BCL9: variants seen among roughly 807,000 people sequenced by gnomAD.
The protein encoded by BCL9 is B-cell CLL/lymphoma 9 protein.
In BCL9, 25 loss-of-function variants were observed where a neutral mutation model predicts 88.5. That is an observed-to-expected ratio of 0.28 (90% CI 0.21 to 0.39). BCL9 has a LOEUF of 0.39. Among genes scored for constraint, BCL9 ranks in the 10% least tolerant of loss-of-function variants. The pLI is 1.00. For missense variants in BCL9, 1,817 were observed against 1,877.8 expected, an observed-to-expected ratio of 0.97 and a Z score of 0.60; for synonymous variants, 711 against 673.3, an observed-to-expected ratio of 1.06 and a Z score of -0.87.
Position 147,603,678 on chromosome 1 carries a change from A to ATT in BCL9, c.-477-1089_-477-1088dup, listed in dbSNP as rs1249136306. The stretch of plus-strand genomic sequence containing the variant: ...TACCATGCCCAGCTAATTTTTGTAA[A>ATT]TTTTTTTTTTTAGTGGAGATGGGGT... On this transcript the variant is annotated intron_variant, in intron 1 of 9. Transcript: ENST00000234739. Among the ~76,000 whole-genome samples, 459 of 148,620 alleles carry ATT rather than the reference A, an allele frequency of 3.1e-3. 2 individuals carry two copies. The highest frequency in any genetic ancestry group is 8.5e-3 in the African/African-American group (347 of 40,658).
intron 8 of BCL9, 62 bp from the exon 9 acceptor site, chr1:147,622,209 C>T: frequency 1.2e-6 from 2 of 1,600,034 alleles, no homozygotes; most frequent in Non-Finnish European, 1.7e-6. Context: ...ATCATAGGGC[C>T]CAATACCCTT....
In BCL9 at chr1:147,622,428, T is replaced by A. The variant is rs1553205584; in HGVS notation, c.3060T>A (p.Ser1020Arg). The change falls in exon 9 of 10, where the codon AGT (serine) becomes AGA (arginine). Residue 1020 changes from serine to arginine, a missense_variant. Ser to Arg is a moderately radical substitution (Grantham distance 110, BLOSUM62 -1). Transcript: ENST00000234739. ...MSRMSKFAMP[S>R]STPLYHDAIK... Reference sequence around the variant, plus strand: ...GAATGTCCAAGTTTGCAATGCCCAGTTCCACCCCGTTATACCATGATGCTA... The same window carrying A: ...GAATGTCCAAGTTTGCAATGCCCAGATCCACCCCGTTATACCATGATGCTA... The A allele has an allele frequency of 1.2e-6, 2 of 1,614,172 alleles. No homozygotes were observed. Among genetic ancestry groups the A allele is most frequent in the South Asian group, 1.1e-5 (1 of 91,084 alleles).
At chr1:147,581,441 A>G (rs1656365158) in intron 1 of BCL9, among the ~76,000 whole-genome samples, 2 of 152,242 alleles carry the variant, frequency 1.3e-5, no homozygotes, top group Admixed American at 1.3e-4. Context: ...GTAAGTGGCT[A>G]TGAACACTTG....
At chr1:147,607,433 C>G (rs1657775073) in intron 3 of BCL9, among the ~76,000 whole-genome samples, 1 of 152,136 alleles carries the variant, frequency 6.6e-6, no homozygotes, top group Non-Finnish European at 1.5e-5. Flanking sequence ...GTGGTCCCTA[C>G]CTTCATGGAG....
chr1:147,611,325 C>T (rs1553202570), intron 3 of BCL9, among the ~76,000 whole-genome samples: 4 of 152,174 alleles, frequency 2.6e-5, no homozygotes, highest in African/African-American at 9.7e-5. Flanking sequence ...TTCACCTGCT[C>T]ACCCTTGCCT....
Position 147,614,498 on chromosome 1 carries a change from G to A in BCL9, c.442G>A (p.Ala148Thr). ...HTPHSMTPSN[A>T]TAPRSSTPSH... ...ACCACACTCGATGACCCCATCAAAT[G>A]CTACAGCCCCCAGGTCTTCTACCCC... The change falls in exon 6 of 10, where the codon GCT becomes ACT. Residue 148 changes from alanine to threonine, a missense_variant. This residue lies in a region of BCL9 where 1,228 missense variants were observed against 1,191.6 expected (regional missense o/e 1.03). Transcript: ENST00000234739. 1 of 1,614,026 alleles carries A rather than the reference G, an allele frequency of 6.2e-7. No individual in the cohort carries two copies. Among genetic ancestry groups the A allele is most frequent in the Non-Finnish European group, 8.5e-7 (1 of 1,179,990 alleles).
intron 1 of BCL9, among the ~76,000 whole-genome samples, chr1:147,582,635 C>T (rs1380398062): frequency 6.6e-6 from 1 of 152,112 alleles, no homozygotes; most frequent in African/African-American, 2.4e-5. Context: ...GGGAAAAAAT[C>T]AACAGAATAA....
chr1:147,597,596 A>G (rs961226568), intron 1 of BCL9, among the ~76,000 whole-genome samples: 1 of 152,224 alleles, frequency 6.6e-6, no homozygotes, highest in Non-Finnish European at 1.5e-5. Context: ...ATCCTTATAC[A>G]CCAAAATAGA....
chr1:147,581,768 A>T (rs1260522905), intron 1 of BCL9, among the ~76,000 whole-genome samples: 1 of 152,012 alleles, frequency 6.6e-6, no homozygotes, highest in African/African-American at 2.4e-5. Context: ...TGAATTTTAG[A>T]CGCTGGCGAC....
intron 1 of BCL9, among the ~76,000 whole-genome samples, chr1:147,558,569 T>C (rs781905095): frequency 5.3e-5 from 8 of 152,046 alleles, no homozygotes; most frequent in Non-Finnish European, 7.4e-5. Context: ...GGGCTTTGCT[T>C]TTATCTACTT....
At chr1:147,574,425 G>C (rs1446616164) in intron 1 of BCL9, among the ~76,000 whole-genome samples, 1 of 152,198 alleles carries the variant, frequency 6.6e-6, no homozygotes, top group Non-Finnish European at 1.5e-5. Flanking sequence ...TTTAGGACCA[G>C]AATTCCAGAG....
intron 4 of BCL9, 135 bp downstream of exon 4, chr1:147,612,024 T>C (rs1016757382): frequency 2.5e-6 from 2 of 798,652 alleles, no homozygotes; most frequent in East Asian, 2.6e-5. Flanking sequence ...GAAAATAGAC[T>C]AGTAAATAGT....
intron 1 of BCL9, among the ~76,000 whole-genome samples, chr1:147,603,021 G>T (rs1479401488): frequency 6.6e-6 from 1 of 152,142 alleles, no homozygotes; most frequent in African/African-American, 2.4e-5. Context: ...TCATAATGGC[G>T]TTTCTGCCTA....
chr1:147,615,184 C>T (rs1420000889), intron 6 of BCL9, among the ~76,000 whole-genome samples: 1 of 152,120 alleles, frequency 6.6e-6, no homozygotes, highest in East Asian at 1.9e-4. Flanking sequence ...GCACAATACA[C>T]ACTTTTCTGC....
At position 147,625,268 on chromosome 1, in the gene BCL9, G is replaced by A; in HGVS notation, c.*309G>A. ...TGCTTTGAGAATTGCCATCGGTCAT[G>A]TGTTGCACCGTTCTCTGTATGTTTA... is the stretch of plus-strand genomic sequence containing the variant. On this transcript the variant is annotated 3_prime_UTR_variant, in exon 10 of 10. Coordinates refer to ENST00000234739, the MANE Select transcript of BCL9 (RefSeq NM_004326.4). 1 of 349,770 alleles carries A rather than the reference G, an allele frequency of 2.9e-6. No individual in the cohort carries two copies. The highest frequency in any genetic ancestry group is 5.2e-6 in the Non-Finnish European group (1 of 190,616). 21.7% of individuals were successfully genotyped at this position (349,770 alleles called of 1,614,324 possible).
chr1:147,589,274 A>C, intron 1 of BCL9, among the ~76,000 whole-genome samples: 1 of 152,112 alleles, frequency 6.6e-6, no homozygotes, highest in East Asian at 1.9e-4. Context: ...AGTCACCCAT[A>C]ATTCTAAAAC....
At chr1:147,608,679 T>C (rs1012300337) in intron 3 of BCL9, among the ~76,000 whole-genome samples, 1 of 152,100 alleles carries the variant, frequency 6.6e-6, no homozygotes, top group Admixed American at 6.5e-5. Context: ...CTAGGAGACG[T>C]AGAAGGTATT....
chr1:147,618,932 C>A lies in BCL9; in HGVS notation c.777C>A (p.Pro259=). 1 of 1,614,014 alleles carries A rather than the reference C, an allele frequency of 6.2e-7. No homozygotes were observed. The highest frequency in any genetic ancestry group is 1.3e-5 in the African/African-American group (1 of 75,042). Residue 259 remains proline (P), a synonymous_variant, in exon 8 of 10, where the codon CCC becomes CCA. Transcript: ENST00000234739. ...ATACCAGACTGCAGCCAACTCCACC[C>A]ATTCCGGCACCAGCACCCAAGCCTG... ...SQNTRLQPTP[P]IPAPAPKPAA... is the part of the protein sequence containing the mutation.
At chr1:147,594,908 GA>G (rs1246180174) in intron 1 of BCL9, among the ~76,000 whole-genome samples, 1 of 152,080 alleles carries the variant, frequency 6.6e-6, no homozygotes, top group East Asian at 1.9e-4. Flanking sequence ...AAGAAAGGGG[GA>G]AAAAGGGTAC....
Sources: allele counts gnomAD v4.1 joint callset (sites outside exome capture counted in the v4.1 genomes callset), GRCh38; gene constraint gnomAD v4.1.1; regional missense constraint gnomAD v4.1.1; transcripts MANE v1.5; gene names NCBI Gene and HGNC (gene_info 2026-07-23, HGNC 2026-07-21).